Variants in UMOD observed in about 807,000 individuals in gnomAD.
UMOD encodes uromodulin.
Under a neutral mutation model 66.0 loss-of-function variants are expected in UMOD, and 64 were observed. The observed-to-expected ratio is 0.97, with a 90% confidence interval of 0.79 to 1.19. The LOEUF (loss-of-function observed/expected upper bound fraction) is 1.19. Among genes scored for constraint, UMOD ranks in the 50% most tolerant of loss-of-function variants. The pLI is 0.00. For missense variants in UMOD, 764 were observed against 850.9 expected, an observed-to-expected ratio of 0.90 and a Z score of 1.27; for synonymous variants, 398 against 352.7, an observed-to-expected ratio of 1.13 and a Z score of -1.44.
intron 5 of UMOD, 147 bp from the exon 6 acceptor site, chr16:20,344,319 G>T: frequency 1.2e-6 from 1 of 813,168 alleles, no homozygotes; most frequent in Non-Finnish European, 2.0e-6. Context: ...AAAGCTGCCT[G>T]TGGCCGGGCG....
At chr16:20,348,163 G>T in intron 4 of UMOD, 60 bp downstream of exon 4, 2 of 1,420,884 alleles carry the variant, frequency 1.4e-6, no homozygotes, top group African/African-American at 1.4e-5. Context: ...GGAGGAATGT[G>T]TCCCTCCCCC....
intron 4 of UMOD, among the ~76,000 whole-genome samples, chr16:20,346,572 C>T (rs928567766): frequency 6.6e-6 from 1 of 152,134 alleles, no homozygotes; most frequent in Non-Finnish European, 1.5e-5. Flanking sequence ...GGTTATATAC[C>T]AAATGCAGGA....
At chr16:20,341,932 A>G (rs1965246166) in intron 6 of UMOD, among the ~76,000 whole-genome samples, 1 of 152,264 alleles carries the variant, frequency 6.6e-6, no homozygotes, top group Non-Finnish European at 1.5e-5. Flanking sequence ...AACAAAGGAC[A>G]TTGTAAGGCT....
At chr16:20,353,831 T>C (rs942512230), upstream of UMOD, among the ~76,000 whole-genome samples, 1 of 152,180 alleles carries the variant, frequency 6.6e-6, no homozygotes, top group Non-Finnish European at 1.5e-5. Context: ...TATGTATACA[T>C]GTGCCATGTT....
At chr16:20,335,419 C>T (rs1261522628) in intron 10 of UMOD, 63 bp downstream of exon 10, 6 of 1,537,810 alleles carry the variant, frequency 3.9e-6, no homozygotes, top group Non-Finnish European at 3.6e-6. Flanking sequence ...TACAAGTTAA[C>T]AGATAGAAGC....
Position 20,335,624 on chromosome 16 carries a change from G to T in UMOD, c.1823-104C>A, listed in dbSNP as rs965440772. On this transcript the variant is annotated intron_variant, in intron 9 of 10. Coordinates refer to ENST00000396138, the MANE Select transcript of UMOD (RefSeq NM_003361.4). ...CTACTTTTCACTTCGCAGCCAGACT[G>T]ATCTCTTCAAAACCCAAATCTGATC... 8.3e-6 allele frequency: 10 copies of T among 1,201,156 alleles called. No individual in the cohort carries two copies. In the African/African-American group the frequency reaches 1.5e-4, roughly 18 times the overall value. The allele number at this position is 1,201,156 out of a possible 1,614,324, so 74.4% of individuals were successfully genotyped here. A position where few individuals can be genotyped will look rare whatever the true frequency, so the allele number is the denominator to read the frequency against.
Position 20,333,235 on chromosome 16 carries a change from G to T in UMOD, c.*79C>A. ...GCATGAACTTTCTTTTCTGTGGCTG[G>T]AGCACTGGCCCGCATCATGCCCCCT... On this transcript the variant is annotated 3_prime_UTR_variant, in exon 11 of 11. Transcript: ENST00000396138. 1 of 1,407,710 alleles carries T rather than the reference G, an allele frequency of 7.1e-7. No individual in the cohort carries two copies. Among genetic ancestry groups the T allele is most frequent in the Non-Finnish European group, 9.9e-7 (1 of 1,005,886 alleles). 87.2% of individuals were successfully genotyped at this position (1,407,710 alleles called of 1,614,324 possible). A position where few individuals can be genotyped will look rare whatever the true frequency, so the allele number is the denominator to read the frequency against.
At chr16:20,350,514 G>C in intron 2 of UMOD, 136 bp downstream of exon 2, 1 of 1,190,130 alleles carries the variant, frequency 8.4e-7, no homozygotes, top group South Asian at 1.3e-5. Flanking sequence ...AATGGACTTA[G>C]AATGAAGACA....
In UMOD at chr16:20,337,230, T is replaced by A. The variant is rs2141634381; in HGVS notation, c.1740+61A>T. The A allele has an allele frequency of 3.3e-5, 52 of 1,597,550 alleles. No individual in the cohort carries two copies. The South Asian group carries it at 4.6e-4, about 14-fold the overall frequency. ...AACAGGGAAGAAATATTGATTTGTT[T>A]TCTTTGTGGCCAAATGTCTTTGGTT... On this transcript the variant is annotated intron_variant, in intron 8 of 10. Coordinates refer to ENST00000396138, the MANE Select transcript of UMOD (RefSeq NM_003361.4).
At chr16:20,344,608 A>T (rs972168354) in intron 5 of UMOD, among the ~76,000 whole-genome samples, 1 of 152,078 alleles carries the variant, frequency 6.6e-6, no homozygotes, top group Admixed American at 6.6e-5. Context: ...CTCAAAAAAA[A>T]AAAAAAAAAT....
In UMOD at chr16:20,336,697, T is replaced by C. The variant is rs1351711816; in HGVS notation, c.1771A>G (p.Ser591Gly). Reference protein sequence around the residue: ...TCSGTRFRSGSVIDQSRVLNL... With the variant: ...TCSGTRFRSGGVIDQSRVLNL... Reference sequence around the variant, plus strand: ...AGGACACGGGATTGATCTATGACACTCCCACTTCGGAATCTGGTCCCAGAG... The same window carrying C: ...AGGACACGGGATTGATCTATGACACCCCCACTTCGGAATCTGGTCCCAGAG... The change falls in exon 9 of 11, where the codon AGT becomes GGT. Residue 591 changes from serine to glycine, a missense_variant. By Grantham distance (56) the Ser-to-Gly change is moderately conservative. Transcript: ENST00000396138. The C allele has an allele frequency of 1.9e-6, 3 of 1,614,072 alleles. No individual in the cohort carries two copies. The highest frequency in any genetic ancestry group is 2.5e-6 in the Non-Finnish European group (3 of 1,179,984).
At chr16:20,350,602 A>G in intron 2 of UMOD, 48 bp downstream of exon 2, 1 of 1,607,628 alleles carries the variant, frequency 6.2e-7, no homozygotes, top group Non-Finnish European at 8.5e-7. Context: ...ACATTCACAC[A>G]TACACGTGCA....
At chr16:20,344,459 C>T (rs1383121312) in intron 5 of UMOD, among the ~76,000 whole-genome samples, 5 of 151,912 alleles carry the variant, frequency 3.3e-5, no homozygotes, top group South Asian at 2.1e-4. Flanking sequence ...AAAAAGTAGC[C>T]GGGCGTGGTG....
At chr16:20,343,129 C>CAATAAATAAATAAATAAATAAATA (rs147846395) in intron 6 of UMOD, among the ~76,000 whole-genome samples, 2 of 115,794 alleles carry the variant, frequency 1.7e-5, no homozygotes, top group Non-Finnish European at 4.2e-5. Context: ...GACTCCGTCT[C>CAATAAATAAATAAATAAATAAATA]AATAAATAAA....
Position 20,350,770 on chromosome 16 carries a change from A to G in UMOD, c.-33T>C. The G allele has an allele frequency of 1.2e-6, 2 of 1,614,012 alleles. No homozygotes were observed. Among genetic ancestry groups the G allele is most frequent in the Non-Finnish European group, 1.7e-6 (2 of 1,179,940 alleles). ...GCTCTTCCCGCTACTTCAGGTCTAGATAGCACCTGCCCAAAGGAAAGACGG... is the reference window on the plus strand; with the variant it reads ...GCTCTTCCCGCTACTTCAGGTCTAGGTAGCACCTGCCCAAAGGAAAGACGG... On this transcript the variant is annotated 5_prime_UTR_variant, in exon 2 of 11. Coordinates refer to ENST00000396138, the MANE Select transcript of UMOD (RefSeq NM_003361.4).
intron 2 of UMOD, chr16:20,349,819 C>G: frequency 6.5e-7 from 1 of 1,550,158 alleles, no homozygotes; most frequent in Non-Finnish European, 8.7e-7. Flanking sequence ...GTGTCGCCTC[C>G]TCTCTGCGGA....
intron 6 of UMOD, among the ~76,000 whole-genome samples, chr16:20,342,132 G>A (rs1965259095): frequency 1.3e-5 from 2 of 152,210 alleles, no homozygotes; most frequent in South Asian, 2.1e-4. Flanking sequence ...ATCATTTGAG[G>A]CCAGGAGTTT....
chr16:20,346,422 TG>T (rs1965591515), intron 4 of UMOD, 88 bp from the exon 5 acceptor site: 3 of 1,353,932 alleles, frequency 2.2e-6, no homozygotes, highest in Non-Finnish European at 3.2e-6. Flanking sequence ...CTGGCTGGGC[TG>T]ACCACCATCT....
Position 20,348,813 on chromosome 16 carries a change from G to A in UMOD, c.488C>T (p.Pro163Leu), listed in dbSNP as rs557353530. 3 of 1,545,740 alleles carry A rather than the reference G, an allele frequency of 1.9e-6. No individual in the cohort carries two copies. The highest frequency in any genetic ancestry group is 3.9e-5 in the Admixed American group (2 of 50,988). Residue 163 changes from proline (P) to leucine (L), a missense_variant, in exon 3 of 11, where the codon CCC (proline) becomes CTC (leucine). Physicochemically the swap from Pro to Leu is moderately conservative, Grantham distance 98. Coordinates refer to ENST00000396138, the MANE Select transcript of UMOD (RefSeq NM_003361.4). ...CGCGCACACGAGCGCGTCGCCCTCG[G>A]GCACGCAGTCCAACCCCGGCCCGCA... ...GSCGPGLDCV[P>L]EGDALVCADP...
Sources: allele counts gnomAD v4.1 joint callset (sites outside exome capture counted in the v4.1 genomes callset), GRCh38; gene constraint gnomAD v4.1.1; transcripts MANE v1.5; gene names NCBI Gene and HGNC (gene_info 2026-07-23, HGNC 2026-07-21).